TP63: variants seen among roughly 807,000 people sequenced by gnomAD.
The protein encoded by TP63 is tumor protein p63, also known as tumor protein 63.
Under a neutral mutation model 82.8 loss-of-function variants are expected in TP63, and 17 were observed. The observed-to-expected ratio is 0.21, with a 90% CI of 0.14 to 0.31. The LOEUF is 0.31. TP63 is among the 10% of genes least tolerant of loss of function. TP63 has a pLI of 1.00. For synonymous variants in TP63, 330 were observed against 321.7 expected (o/e 1.03, Z -0.28); for missense variants, 648 against 895.3 (o/e 0.72, Z 3.52).
At chr3:189,653,737 T>C (rs1276076610) in intron 1 of TP63, among the ~76,000 whole-genome samples, 1 of 152,210 alleles carries the variant, frequency 6.6e-6, no homozygotes, top group Non-Finnish European at 1.5e-5. Flanking sequence ...TTTCATAAAC[T>C]GCAATTGTTA....
chr3:189,730,973 A>G (rs963126473), intron 1 of TP63, among the ~76,000 whole-genome samples: 2 of 152,236 alleles, frequency 1.3e-5, no homozygotes, highest in Non-Finnish European at 2.9e-5. Flanking sequence ...GAAACTGTTA[A>G]AAGAAGTCAA....
At chr3:189,700,643 C>G (rs528327042) in intron 1 of TP63, among the ~76,000 whole-genome samples, 1 of 152,110 alleles carries the variant, frequency 6.6e-6, no homozygotes, top group Non-Finnish European at 1.5e-5. Context: ...AGCTATAACA[C>G]AATAACATAT....
chr3:189,678,977 G>T (rs1715680794), intron 1 of TP63, among the ~76,000 whole-genome samples: 1 of 151,944 alleles, frequency 6.6e-6, no homozygotes, highest in South Asian at 2.1e-4. Context: ...AATGAGCAAA[G>T]ACCCCAAATT....
the TP63 span, among the ~76,000 whole-genome samples, chr3:189,624,726 T>G: frequency 6.6e-6 from 1 of 152,156 alleles, no homozygotes; most frequent in Non-Finnish European, 1.5e-5. Context: ...TGATATTAAT[T>G]TCTCCACTCA....
chr3:189,625,488 C>A, the TP63 span, among the ~76,000 whole-genome samples: 1 of 151,948 alleles, frequency 6.6e-6, no homozygotes, highest in Non-Finnish European at 1.5e-5. Context: ...AACATATCAT[C>A]CAAGATTTTT....
At chr3:189,706,996 T>G (rs1281861712) in intron 1 of TP63, among the ~76,000 whole-genome samples, 7 of 150,944 alleles carry the variant, frequency 4.6e-5, no homozygotes, top group Non-Finnish European at 1.0e-4. Flanking sequence ...TTAAAAGTGT[T>G]CTTTTGCTAG....
intron 10 of TP63, chr3:189,880,777 G>A (rs1719824249): frequency 1.0e-6 from 1 of 985,310 alleles, no homozygotes. Context: ...AACTTTGTGG[G>A]TGGAGAGTTC....
At chr3:189,667,601 A>G (rs1278199250) in intron 1 of TP63, among the ~76,000 whole-genome samples, 2 of 152,248 alleles carry the variant, frequency 1.3e-5, no homozygotes, top group East Asian at 3.9e-4. Flanking sequence ...TTACAAGCTC[A>G]GGAAGAGACT....
Position 189,869,321 on chromosome 3 carries a change from C to T in TP63, c.1130-3C>T, listed in dbSNP as rs759595460. 1.2e-6 allele frequency: 2 copies of T among 1,613,900 alleles called. No individual in the cohort carries two copies. The highest frequency in any genetic ancestry group is 2.2e-5 in the South Asian group (2 of 91,074). ...GATGAAACTTGCATTTTTCCTCCAC[C>T]AGCGTTTCGTCAGAACACACATGGT... On this transcript the variant is annotated splice_polypyrimidine_tract_variant and splice_region_variant and intron_variant, in intron 8 of 13. Coordinates refer to ENST00000264731, the MANE Select transcript of TP63 (RefSeq NM_003722.5).
intron 4 of TP63, among the ~76,000 whole-genome samples, chr3:189,825,550 A>C (rs1729252829): frequency 6.6e-6 from 1 of 152,220 alleles, no homozygotes; most frequent in Non-Finnish European, 1.5e-5. Flanking sequence ...ATTGCTCAAA[A>C]CTTGATTAAA....
At chr3:189,746,174 G>A (rs13317064) in intron 3 of TP63, among the ~76,000 whole-genome samples, 6,881 of 151,712 alleles carry the variant, frequency 0.045, 173 homozygotes, top group South Asian at 0.057. Flanking sequence ...ATAAATAAAA[G>A]TTTTGTCACT....
the TP63 span, among the ~76,000 whole-genome samples, chr3:189,614,887 G>A: frequency 6.6e-6 from 1 of 152,164 alleles, no homozygotes; most frequent in African/African-American, 2.4e-5. Context: ...ATAAAAGAAA[G>A]GCTGTGCCAT....
chr3:189,619,254 A>G, the TP63 span, among the ~76,000 whole-genome samples: 8 of 152,268 alleles, frequency 5.3e-5, no homozygotes, highest in East Asian at 1.5e-3. Flanking sequence ...GAGGGGGGAT[A>G]TATGTTGCTT....
rs1356496427 is a variant in TP63, at chr3:189,896,986, T to TC, written c.*2485dup. ...ATTAAATCCTTTTACCTTTTTTTTT[T>TC]CTTGGTAATCCCCTAAAATAACAGT... is the stretch of plus-strand genomic sequence containing the variant. On this transcript the variant is annotated 3_prime_UTR_variant, in exon 14 of 14. Transcript: ENST00000264731. The TC allele has an allele frequency of 2.6e-5, 6 of 227,278 alleles. No individual in the cohort carries two copies. The highest frequency in any genetic ancestry group is 5.7e-5 in the Admixed American group (1 of 17,558). The allele number at this position is 227,278 out of a possible 1,614,324, so 14.1% of individuals were successfully genotyped here.
Position 189,891,778 on chromosome 3 carries a change from C to T in TP63, c.1746+896C>T, listed in dbSNP as rs1186666567. On this transcript the variant is annotated intron_variant, in intron 13 of 13. Coordinates refer to ENST00000264731, the MANE Select transcript of TP63 (RefSeq NM_003722.5). ...GCAATCTGATTTGTCTCTTAGGCCG[C>T]GCTCTTCATGCTGCTCTCTTTGGGG... 2.6e-5 allele frequency among the ~76,000 whole-genome samples: 4 copies of T among 152,166 alleles called. 1 individual carries two copies. The South Asian group carries it at 6.2e-4, about 24-fold the overall frequency.
At chr3:189,606,809 C>T in the TP63 span, among the ~76,000 whole-genome samples, 6 of 151,970 alleles carry the variant, frequency 3.9e-5, no homozygotes, top group Admixed American at 3.9e-4. Flanking sequence ...CCGCGACGGG[C>T]CAACCCCGCA....
chr3:189,824,768 A>G (rs1332415717), intron 4 of TP63, among the ~76,000 whole-genome samples: 2 of 151,640 alleles, frequency 1.3e-5, no homozygotes, highest in Non-Finnish European at 2.9e-5. Flanking sequence ...CGACTGAATC[A>G]TTGCCATGAG....
Position 189,778,042 on chromosome 3 carries a change from G to A in TP63, c.325-30230G>A, listed in dbSNP as rs115540591. 7.4e-3 allele frequency among the ~76,000 whole-genome samples: 1,126 copies of A among 151,730 alleles called. 12 individuals are homozygous for A. Among genetic ancestry groups the A allele is most frequent in the African/African-American group, 0.026 (1,088 of 41,390 alleles). ...GGCTAATTTCTGTATTTCCAGTAGA[G>A]GCAGGGTTTCACCATGCTGGTGAAC... On this transcript the variant is annotated intron_variant, in intron 3 of 13. Transcript: ENST00000264731.
At chr3:189,761,839 G>A (rs1205945322) in intron 3 of TP63, among the ~76,000 whole-genome samples, 1 of 152,210 alleles carries the variant, frequency 6.6e-6, no homozygotes, top group Non-Finnish European at 1.5e-5. Context: ...ATGGCTGAAG[G>A]CAAGGAGGAG....
Sources: gnomAD v4.1 joint callset for allele counts (sites outside exome capture counted in the v4.1 genomes callset) on GRCh38, gnomAD v4.1.1 for gene constraint, MANE v1.5 for transcripts, NCBI Gene and HGNC (gene_info 2026-07-23, HGNC 2026-07-21) for gene names.